Variants in MVB12B observed in about 807,000 individuals in gnomAD.
MVB12B encodes ESCRT-I complex subunit MVB12B.
MVB12B carries 16 observed loss-of-function variants against 41.6 expected under a neutral mutation model. That is an observed-to-expected ratio of 0.38 (90% CI 0.26 to 0.58). The LOEUF is 0.58. MVB12B is among the 20% of genes least tolerant of loss of function. The pLI is 0.62. For synonymous variants in MVB12B, 133 were observed against 139.7 expected (o/e 0.95, Z 0.34); for missense variants, 274 against 380.2 (o/e 0.72, Z 2.32).
intron 9 of MVB12B, among the ~76,000 whole-genome samples, chr9:126,489,360 G>A (rs767100250): frequency 1.3e-5 from 2 of 152,184 alleles, no homozygotes; most frequent in African/African-American, 2.4e-5. Context: ...CACACAGCGC[G>A]GCAGTCAGGG....
chr9:126,338,129 C>T (rs556836906), intron 1 of MVB12B, among the ~76,000 whole-genome samples: 11 of 152,284 alleles, frequency 7.2e-5, no homozygotes, highest in Admixed American at 5.2e-4. Context: ...CCGCGCGGCC[C>T]GGAGCCATTT....
At chr9:126,447,273 A>C (rs540449055) in intron 7 of MVB12B, among the ~76,000 whole-genome samples, 1 of 139,138 alleles carries the variant, frequency 7.2e-6, no homozygotes. Flanking sequence ...TTAACTTTCT[A>C]TTTATTTTAG....
In MVB12B at chr9:126,386,980, C is replaced by A. The variant is rs1291316768; in HGVS notation, c.409+322C>A. 6.6e-6 allele frequency among the ~76,000 whole-genome samples: 1 copy of A among 151,938 alleles called. No individual in the cohort carries two copies. Among genetic ancestry groups the A allele is most frequent in the Non-Finnish European group, 1.5e-5 (1 of 68,016 alleles). On this transcript the variant is annotated intron_variant, in intron 4 of 9. Coordinates refer to ENST00000361171, the MANE Select transcript of MVB12B (RefSeq NM_033446.3). The surrounding 1 kb of genome is among the most constrained non-coding windows in gnomAD (Gnocchi z 4.3). The stretch of plus-strand genomic sequence containing the variant: ...GTCCTTCCTCTGGTGTTGCTGAAGC[C>A]AAGCTTGGCATAAGACCCAGAAGGA...
At chr9:126,484,377 C>T (rs1339442047) in intron 9 of MVB12B, among the ~76,000 whole-genome samples, 3 of 152,198 alleles carry the variant, frequency 2.0e-5, no homozygotes, top group Admixed American at 1.3e-4. Context: ...TTTTCTTCCT[C>T]CATTTGTTTT....
intron 7 of MVB12B, among the ~76,000 whole-genome samples, chr9:126,440,525 A>T (rs934143066): frequency 1.3e-5 from 2 of 152,174 alleles, no homozygotes; most frequent in African/African-American, 4.8e-5. Flanking sequence ...CATGTAATAA[A>T]GTAGTCCTGC....
intron 9 of MVB12B, among the ~76,000 whole-genome samples, chr9:126,497,585 C>T (rs1833865179): frequency 1.3e-5 from 2 of 152,166 alleles, no homozygotes; most frequent in Non-Finnish European, 2.9e-5. Context: ...GGCCCAGCTA[C>T]AGGGCCTCGC....
At chr9:126,471,755 GA>G (rs1833318668) in intron 7 of MVB12B, among the ~76,000 whole-genome samples, 1 of 152,200 alleles carries the variant, frequency 6.6e-6, no homozygotes. Flanking sequence ...TAGGGTTGCT[GA>G]TTATTTACAG....
chr9:126,411,433 G>A (rs1588150217), intron 6 of MVB12B, among the ~76,000 whole-genome samples: 2 of 152,170 alleles, frequency 1.3e-5, no homozygotes, highest in South Asian at 2.1e-4. Context: ...TGAGTCAGTC[G>A]CCACATCCTA....
chr9:126,458,505 C>T (rs1341072405), intron 7 of MVB12B, among the ~76,000 whole-genome samples: 1 of 152,162 alleles, frequency 6.6e-6, no homozygotes, highest in Admixed American at 6.5e-5. Flanking sequence ...AGGGTCTGCT[C>T]TTTTGGATTC....
intron 2 of MVB12B, among the ~76,000 whole-genome samples, chr9:126,373,230 G>A (rs1481251539): frequency 6.6e-6 from 1 of 152,262 alleles, no homozygotes; most frequent in East Asian, 1.9e-4. Context: ...CCTCTTCACT[G>A]GATTAGTCAA....
At chr9:126,471,750 T>C (rs1418633426) in intron 7 of MVB12B, among the ~76,000 whole-genome samples, 1 of 152,150 alleles carries the variant, frequency 6.6e-6, no homozygotes, top group African/African-American at 2.4e-5. Context: ...AGGCTTAGGG[T>C]TGCTGATTAT....
rs139330342 is a variant in MVB12B at position 126,340,909 on chromosome 9, G to A, written c.204+279G>A. On this transcript the variant is annotated intron_variant, in intron 2 of 9. Coordinates refer to ENST00000361171, the MANE Select transcript of MVB12B (RefSeq NM_033446.3). This position sits in a 1 kb window ranked among gnomAD's most constrained non-coding sequence, Gnocchi z 4.0. ...TTTCAACTTCTGGTTGTGACATTTC[G>A]TGAAAAGGATCCAGAGTCTATGAAC... Among the ~76,000 whole-genome samples, 4 of 152,174 alleles carry A rather than the reference G, an allele frequency of 2.6e-5. No individual in the cohort carries two copies. In the South Asian group the frequency reaches 8.3e-4, roughly 32 times the overall value.
chr9:126,463,579 A>G (rs941802229), intron 7 of MVB12B, among the ~76,000 whole-genome samples: 1 of 152,216 alleles, frequency 6.6e-6, no homozygotes, highest in Non-Finnish European at 1.5e-5. Context: ...CCTGGCCACC[A>G]TGGTGACTCA....
At chr9:126,483,190 G>A (rs1833562036) in intron 8 of MVB12B, among the ~76,000 whole-genome samples, 1 of 152,198 alleles carries the variant, frequency 6.6e-6, no homozygotes. Context: ...CATGTGCCCA[G>A]TAGGGACTCA....
At chr9:126,368,048 C>T (rs1011573961) in intron 2 of MVB12B, among the ~76,000 whole-genome samples, 1 of 152,236 alleles carries the variant, frequency 6.6e-6, no homozygotes, top group African/African-American at 2.4e-5. Context: ...GGCCCGCCTG[C>T]ATATCTAGGT....
At chr9:126,365,743 A>G (rs1830162339) in intron 2 of MVB12B, among the ~76,000 whole-genome samples, 2 of 152,220 alleles carry the variant, frequency 1.3e-5, no homozygotes. Context: ...TCCTGGGTCC[A>G]AAGGGAGATT....
At chr9:126,483,875 C>T in intron 8 of MVB12B, 98 bp from the exon 9 acceptor site, 2 of 1,254,244 alleles carry the variant, frequency 1.6e-6, no homozygotes, top group Admixed American at 3.5e-5. Flanking sequence ...CGCTAGATCA[C>T]ACCGTGGCTT....
chr9:126,336,541 G>C (rs370704030), intron 1 of MVB12B, among the ~76,000 whole-genome samples: 3 of 152,170 alleles, frequency 2.0e-5, no homozygotes, highest in African/African-American at 7.2e-5. Context: ...CTGCAGTACC[G>C]GGAGCTGGGG....
intron 7 of MVB12B, among the ~76,000 whole-genome samples, chr9:126,469,594 C>G (rs778059755): frequency 3.3e-5 from 5 of 152,230 alleles, no homozygotes; most frequent in Admixed American, 6.5e-5. Flanking sequence ...TCAGTTACCC[C>G]CCGTGGCTGC....
Sources: allele counts gnomAD v4.1 joint callset (sites outside exome capture counted in the v4.1 genomes callset), GRCh38; gene constraint gnomAD v4.1.1; non-coding constraint Gnocchi (gnomAD v3.1); transcripts MANE v1.5; gene names NCBI Gene and HGNC (gene_info 2026-07-23, HGNC 2026-07-21).